Variants in SLC4A5 observed in about 807,000 individuals in gnomAD.
SLC4A5 encodes the protein electrogenic sodium bicarbonate cotransporter 4.
Under a neutral mutation model 120.4 loss-of-function variants are expected in SLC4A5, and 96 were observed. The ratio of observed to expected loss-of-function variants is 0.80; its 90% confidence interval spans 0.68 to 0.94. SLC4A5 has a LOEUF of 0.94. SLC4A5 is among the 40% of genes least tolerant of loss of function. The pLI is 0.00. For missense variants in SLC4A5, 1,259 were observed against 1,459.5 expected (o/e 0.86, Z 2.24); for synonymous variants, 550 against 571.1 (o/e 0.96, Z 0.53).
At position 74,329,647 on chromosome 2, in the gene SLC4A5, G is replaced by A. The variant is rs1323215291; in HGVS notation, c.-69-1461C>T. 8.1e-5 allele frequency among the ~76,000 whole-genome samples: 9 copies of A among 111,234 alleles called. No homozygotes were observed. In the East Asian group the frequency reaches 2.1e-3, roughly 26 times the overall value. 73.0% of individuals were successfully genotyped at this position (111,234 alleles called of 152,430 possible). A position where few individuals can be genotyped will look rare whatever the true frequency, so the allele number is the denominator to read the frequency against. ...GAGGTGTAGATGGAGGTGGTGTGAG[G>A]TGTAAATGGAGGTGTGAGGTGTAGA... On this transcript the variant is annotated intron_variant, in intron 4 of 30. Transcript: ENST00000394019.
chr2:74,221,370 C>T (rs184119299), intron 30 of SLC4A5, 64 bp downstream of exon 30: 2 of 1,301,264 alleles, frequency 1.5e-6, no homozygotes, highest in African/African-American at 2.9e-5. Flanking sequence ...CTAGACCCTC[C>T]ACCTTCCCGG....
At chr2:74,304,923 C>G (rs1202946281) in intron 6 of SLC4A5, among the ~76,000 whole-genome samples, 2 of 152,190 alleles carry the variant, frequency 1.3e-5, no homozygotes, top group Non-Finnish European at 2.9e-5. Context: ...GAGCAGAACT[C>G]CCATTCCCCC....
In SLC4A5 at chr2:74,285,755, C is replaced by A; in HGVS notation, c.401+18G>T. On this transcript the variant is annotated intron_variant, in intron 8 of 30. Transcript: ENST00000394019. ...GTGAGACTGAAGTGCCCACCTCCCTCGTGGGGCCCCGCCTCACCTGGCTGA... is the reference window on the plus strand; with the variant it reads ...GTGAGACTGAAGTGCCCACCTCCCTAGTGGGGCCCCGCCTCACCTGGCTGA... The A allele has an allele frequency of 1.2e-6, 2 of 1,606,888 alleles. No individual in the cohort carries two copies. Among genetic ancestry groups the A allele is most frequent in the Non-Finnish European group, 1.7e-6 (2 of 1,175,426 alleles).
At chr2:74,337,427 G>C (rs931057868) in intron 3 of SLC4A5, among the ~76,000 whole-genome samples, 3 of 152,144 alleles carry the variant, frequency 2.0e-5, no homozygotes, top group Non-Finnish European at 4.4e-5. Context: ...ACCCAAAATG[G>C]AAACTGCAAA....
chr2:74,262,670 G>C (rs1671178519), intron 10 of SLC4A5, among the ~76,000 whole-genome samples: 1 of 151,470 alleles, frequency 6.6e-6, no homozygotes, highest in East Asian at 1.9e-4. Context: ...TTGCACTCCA[G>C]CCTGGGTGAC....
chr2:74,333,844 G>A (rs1037370911), intron 4 of SLC4A5, among the ~76,000 whole-genome samples, 183 bp downstream of exon 4: 1 of 152,188 alleles, frequency 6.6e-6, no homozygotes, highest in African/African-American at 2.4e-5. Flanking sequence ...ATTTAGGTAG[G>A]TCTGACCTAG....
intron 8 of SLC4A5, among the ~76,000 whole-genome samples, chr2:74,279,278 T>C (rs1232135056): frequency 6.6e-6 from 1 of 152,254 alleles, no homozygotes; most frequent in Non-Finnish European, 1.5e-5. Context: ...CCCTCTGGCT[T>C]CTGCCCTACC....
intron 16 of SLC4A5, among the ~76,000 whole-genome samples, chr2:74,251,011 A>G (rs573383661): frequency 7.2e-5 from 11 of 152,286 alleles, no homozygotes; most frequent in Admixed American, 6.5e-4. Context: ...TGAGTGGAAG[A>G]TTTTAGGTTT....
chr2:74,268,569 T>C (rs1671377285), intron 8 of SLC4A5, among the ~76,000 whole-genome samples: 1 of 152,270 alleles, frequency 6.6e-6, no homozygotes, highest in South Asian at 2.1e-4. Flanking sequence ...TTAAGGCTGG[T>C]TGGAACATCC....
intron 17 of SLC4A5, among the ~76,000 whole-genome samples, chr2:74,249,074 G>A (rs1670709154): frequency 1.3e-5 from 2 of 152,124 alleles, no homozygotes; most frequent in African/African-American, 4.8e-5. Context: ...ATTGTAGTGT[G>A]TTTAGTAGCA....
chr2:74,287,493 G>A (rs773013948), intron 7 of SLC4A5, among the ~76,000 whole-genome samples: 1 of 152,144 alleles, frequency 6.6e-6, no homozygotes, highest in Non-Finnish European at 1.5e-5. Context: ...CCTGACACAG[G>A]GCTTGGAAGG....
chr2:74,253,036 A>G, exon 15 of SLC4A5: 1 of 1,614,204 alleles, frequency 6.2e-7, no homozygotes, highest in Non-Finnish European at 8.5e-7. Flanking sequence ...CCCATTCTCC[A>G]GGAGGAAGGA....
intron 6 of SLC4A5, among the ~76,000 whole-genome samples, chr2:74,310,215 T>A (rs1397129417): frequency 6.6e-6 from 1 of 152,216 alleles, no homozygotes; most frequent in East Asian, 1.9e-4. Context: ...TTCTTTGGGA[T>A]TTTCTGCATA....
intron 19 of SLC4A5, among the ~76,000 whole-genome samples, chr2:74,244,405 C>G (rs149968421): frequency 5.1e-4 from 76 of 149,806 alleles, no homozygotes; most frequent in African/African-American, 1.6e-3. Flanking sequence ...CTCCCTCCCC[C>G]CTTCCTTCCC....
intron 25 of SLC4A5, among the ~76,000 whole-genome samples, chr2:74,229,261 G>T (rs1379844192): frequency 1.3e-5 from 2 of 148,302 alleles, no homozygotes; most frequent in East Asian, 2.0e-4. Context: ...TTTTTTTTTG[G>T]GGGGGGCACG....
chr2:74,325,703 A>G (rs1673200563), intron 5 of SLC4A5, among the ~76,000 whole-genome samples: 1 of 152,218 alleles, frequency 6.6e-6, no homozygotes, highest in Non-Finnish European at 1.5e-5. Context: ...AGTGAGGTAT[A>G]TAATTTTCAC....
chr2:74,281,623 GTCCC>G (rs1389497294), intron 8 of SLC4A5, among the ~76,000 whole-genome samples: 2 of 152,126 alleles, frequency 1.3e-5, no homozygotes, highest in Admixed American at 6.5e-5. Context: ...TGCACACACA[GTCCC>G]CATTATGTGC....
At chr2:74,282,819 TGGA>T (rs1482355573) in intron 8 of SLC4A5, among the ~76,000 whole-genome samples, 1 of 152,180 alleles carries the variant, frequency 6.6e-6, no homozygotes, top group African/African-American at 2.4e-5. Flanking sequence ...GTCCAGGGTG[TGGA>T]GAAGGCACCT....
At chr2:74,339,003 T>C (rs746268467) in intron 2 of SLC4A5, 100 bp from the exon 3 acceptor site, 10 of 152,150 alleles carry the variant, frequency 6.6e-5, no homozygotes, top group Non-Finnish European at 1.3e-4. Flanking sequence ...TGGGAAGGAT[T>C]TTAACAAGGG....
Sources: gnomAD v4.1 joint callset for allele counts (sites outside exome capture counted in the v4.1 genomes callset) on GRCh38, gnomAD v4.1.1 for gene constraint, MANE v1.5 for transcripts, NCBI Gene and HGNC (gene_info 2026-07-23, HGNC 2026-07-21) for gene names.